Variants in MED30 observed in about 807,000 individuals in gnomAD.
MED30 encodes the protein mediator of RNA polymerase II transcription subunit 30.
A neutral mutation model predicts 21.7 loss-of-function variants in MED30; 8 were observed. That is an observed-to-expected ratio of 0.37 (90% CI 0.22 to 0.67). MED30 has a LOEUF of 0.67. Among genes scored for constraint, MED30 ranks in the 30% least tolerant of loss-of-function variants. The pLI, the probability that MED30 is intolerant of heterozygous loss-of-function variation, is 0.58. For missense variants in MED30, 203 were observed against 228.2 expected, an observed-to-expected ratio of 0.89 and a Z score of 0.71; for synonymous variants, 79 against 86.7, an observed-to-expected ratio of 0.91 and a Z score of 0.49.
intron 1 of MED30, chr8:117,523,527 A>T: frequency 1.3e-6 from 2 of 1,598,182 alleles, no homozygotes; most frequent in Non-Finnish European, 1.7e-6. Flanking sequence ...AATCACAGAG[A>T]TACTGGATAC....
chr8:117,532,634 C>G (rs1818806699), intron 3 of MED30, among the ~76,000 whole-genome samples: 1 of 151,762 alleles, frequency 6.6e-6, no homozygotes, highest in South Asian at 2.1e-4. Flanking sequence ...ACCTGCAAAA[C>G]AAAATATTGG....
At chr8:117,527,662 C>G (rs1465129702) in intron 1 of MED30, among the ~76,000 whole-genome samples, 1 of 133,726 alleles carries the variant, frequency 7.5e-6, no homozygotes, top group South Asian at 2.2e-4. Context: ...TTTGGCATTC[C>G]TACCTCATGT....
At position 117,521,266 on chromosome 8, in the gene MED30, A is replaced by G. The variant is rs188215886; in HGVS notation, c.177+213A>G. Among the ~76,000 whole-genome samples the G allele has an allele frequency of 1.2e-4, 18 of 152,030 alleles. No homozygotes were observed. The East Asian group carries it at 2.9e-3, about 25-fold the overall frequency. On this transcript the variant is annotated intron_variant, in intron 1 of 3. Transcript: ENST00000297347. ...CCAGATTTCTGCAGAATTGAAGCCA[A>G]TTTTTTTTAGATTCAATCGAGCTCT...
At chr8:117,538,442 T>C (rs768300240) in intron 3 of MED30, among the ~76,000 whole-genome samples, 1 of 152,162 alleles carries the variant, frequency 6.6e-6, no homozygotes, top group Non-Finnish European at 1.5e-5. Flanking sequence ...TTCTTGTTAC[T>C]TCCCTAACTC....
At chr8:117,537,957 G>A (rs748531005) in intron 3 of MED30, among the ~76,000 whole-genome samples, 13 of 152,158 alleles carry the variant, frequency 8.5e-5, no homozygotes, top group Non-Finnish European at 1.5e-4. Flanking sequence ...AACTGGGACC[G>A]AGATTGCCAG....
chr8:117,530,328 A>C (rs2130814338), intron 2 of MED30: 2 of 152,790 alleles, frequency 1.3e-5, no homozygotes, highest in Middle Eastern at 6.8e-3. Context: ...TAGACTACAA[A>C]TCTCTTAGGG....
intron 1 of MED30, among the ~76,000 whole-genome samples, chr8:117,527,015 C>T (rs1818728974): frequency 6.6e-6 from 1 of 151,938 alleles, no homozygotes; most frequent in Non-Finnish European, 1.5e-5. Context: ...TATGTGTGCA[C>T]TATGCTCAAT....
At chr8:117,526,537 T>C (rs1156945135) in intron 1 of MED30, among the ~76,000 whole-genome samples, 1 of 152,094 alleles carries the variant, frequency 6.6e-6, no homozygotes, top group African/African-American at 2.4e-5. Flanking sequence ...TTGGTGTCTA[T>C]GGATACGATC....
intron 3 of MED30, among the ~76,000 whole-genome samples, chr8:117,531,690 T>G (rs1371675372): frequency 6.6e-6 from 1 of 152,012 alleles, no homozygotes; most frequent in Non-Finnish European, 1.5e-5. Flanking sequence ...AGCAAGACAG[T>G]GTGTTTTTTT....
At chr8:117,530,968 C>G in intron 3 of MED30, 141 bp downstream of exon 3, 1 of 642,488 alleles carries the variant, frequency 1.6e-6, no homozygotes, top group Non-Finnish European at 2.7e-6. Flanking sequence ...ATTTAGAATA[C>G]AGCCAAGAAA....
At position 117,520,853 on chromosome 8, in the gene MED30, C is replaced by A. The variant is rs762689023; in HGVS notation, c.-24C>A. ...CCTGACACCTGCTGTCTGGCCCCTT[C>A]CGGCCTGAAGCTGCAGCCGCGCCAT... On this transcript the variant is annotated 5_prime_UTR_variant, in exon 1 of 4. Coordinates refer to ENST00000297347, the MANE Select transcript of MED30 (RefSeq NM_080651.4). The A allele has an allele frequency of 3.4e-5, 53 of 1,557,058 alleles. No individual in the cohort carries two copies. In the Middle Eastern group the frequency reaches 2.0e-3, roughly 59 times the overall value.
At chr8:117,531,484 T>C (rs1261920051) in intron 3 of MED30, among the ~76,000 whole-genome samples, 1 of 152,022 alleles carries the variant, frequency 6.6e-6, no homozygotes, top group Non-Finnish European at 1.5e-5. Context: ...TTCTAATTAA[T>C]AGAACTCATC....
chr8:117,537,223 A>G (rs1818893530), intron 3 of MED30, among the ~76,000 whole-genome samples: 1 of 152,252 alleles, frequency 6.6e-6, no homozygotes, highest in Admixed American at 6.5e-5. Flanking sequence ...ATCAGTTAGC[A>G]TCAACTTTTT....
chr8:117,531,114 C>G (rs1818786780), intron 3 of MED30, among the ~76,000 whole-genome samples: 1 of 151,914 alleles, frequency 6.6e-6, no homozygotes, highest in Non-Finnish European at 1.5e-5. Flanking sequence ...AGAATTCTAC[C>G]TTTCTAGCTT....
intron 3 of MED30, among the ~76,000 whole-genome samples, chr8:117,536,075 A>G (rs1818874121): frequency 6.6e-6 from 1 of 152,052 alleles, no homozygotes. Context: ...AAATATTTAA[A>G]TATTTGTGTG....
chr8:117,529,186 A>G (rs1164755349), intron 2 of MED30, among the ~76,000 whole-genome samples: 1 of 151,680 alleles, frequency 6.6e-6, no homozygotes, highest in Non-Finnish European at 1.5e-5. Context: ...CAGATAAAAT[A>G]TTATTTTTAT....
chr8:117,539,653 C>CT (rs1322596756), intron 3 of MED30, among the ~76,000 whole-genome samples: 1 of 152,108 alleles, frequency 6.6e-6, no homozygotes, highest in Non-Finnish European at 1.5e-5. Context: ...TAAGCAGGGC[C>CT]TGGGGCCGGG....
chr8:117,523,539 C>T, intron 1 of MED30: 1 of 1,600,370 alleles, frequency 6.2e-7, no homozygotes, highest in African/African-American at 1.3e-5. Context: ...ACTGGATACC[C>T]TCATTGGTAA....
chr8:117,523,333 C>T (rs1818661059), intron 1 of MED30: 1 of 1,463,482 alleles, frequency 6.8e-7, no homozygotes, highest in Admixed American at 1.7e-5. Context: ...TGACCCAGCC[C>T]CAGTCTCGGC....
Sources: gnomAD v4.1 joint callset for allele counts (sites outside exome capture counted in the v4.1 genomes callset) on GRCh38, gnomAD v4.1.1 for gene constraint, MANE v1.5 for transcripts, NCBI Gene and HGNC (gene_info 2026-07-23, HGNC 2026-07-21) for gene names.